Variants in ARMC5 observed in about 807,000 individuals in gnomAD.
ARMC5 encodes armadillo repeat-containing protein 5.
In ARMC5, 28 loss-of-function variants were observed where a neutral mutation model predicts 60.5. That is an observed-to-expected ratio of 0.46 (90% CI 0.34 to 0.63). The LOEUF is 0.63. Ranked by LOEUF, ARMC5 falls within the 30% of genes least tolerant of loss-of-function variation. The pLI is 0.01. For missense variants in ARMC5, 1,189 were observed against 1,304.9 expected (o/e 0.91, Z 1.37); for synonymous variants, 680 against 607.3 (o/e 1.12, Z -1.76).
At chr16:31,458,544 G>A (rs1384902147), upstream of ARMC5, 1 of 1,525,844 alleles carries the variant, frequency 6.6e-7, no homozygotes, top group African/African-American at 1.4e-5. Context: ...GGTGAATGAA[G>A]CCGGGGAGGC....
At chr16:31,459,413 G>A (rs1256586899), upstream of ARMC5, 8 of 1,538,472 alleles carry the variant, frequency 5.2e-6, no homozygotes, top group African/African-American at 1.1e-4. Flanking sequence ...GCATCACTGC[G>A]GTGGCGCTAA....
chr16:31,459,966 G>T lies in ARMC5; in HGVS notation c.442G>T (p.Glu148Ter). The T allele has an allele frequency of 3.1e-6, 5 of 1,601,028 alleles. No homozygotes were observed. Among genetic ancestry groups the T allele is most frequent in the Non-Finnish European group, 3.4e-6 (4 of 1,179,234 alleles). ...CTGTACGGAAGGGGCGTGCCGGACCGAAGTGCGCAGACTCGGAGGCATACT... is the reference window on the plus strand; with the variant it reads ...CTGTACGGAAGGGGCGTGCCGGACCTAAGTGCGCAGACTCGGAGGCATACT... ...DCCTEGACRT[E>*]VRRLGGILPL... The change falls in exon 1 of 6, where the codon GAA becomes TAA. Residue 148 changes from glutamate to a stop codon, truncating the protein, a stop_gained. Coordinates refer to ENST00000268314, the MANE Select transcript of ARMC5 (RefSeq NM_001105247.2). LOFTEE classifies it high-confidence loss of function.
In ARMC5 at chr16:31,459,758, T is replaced by A. The variant is rs1291894188; in HGVS notation, c.234T>A (p.Ala78=). ...RPLLALLRRA[A]AAGSAPSQAG... ...TACTCGCGCTGCTACGGCGAGCGGC[T>A]GCAGCGGGTTCCGCCCCGTCCCAGG... Residue 78 remains alanine (A), a synonymous_variant, in exon 1 of 6, where the codon GCT becomes GCA. Transcript: ENST00000268314. 8 of 1,537,002 alleles carry A rather than the reference T, an allele frequency of 5.2e-6. No individual in the cohort carries two copies. The African/African-American group carries it at 5.6e-5, about 11-fold the overall frequency.
chr16:31,462,487 A>C lies in ARMC5; in HGVS notation c.940A>C (p.Ile314Leu). 6.2e-7 allele frequency: 1 copy of C among 1,612,192 alleles called. No homozygotes were observed. The change falls in exon 3 of 6, where the codon ATT becomes CTT. Residue 314 changes from isoleucine (I) to leucine (L), a missense_variant. Ile to Leu is a conservative substitution (Grantham distance 5, BLOSUM62 2). Transcript: ENST00000268314. The surrounding 1 kb of genome is among the most constrained non-coding windows in gnomAD (Gnocchi z 7.2). ...ILANLCAQGL[I>L]RPALGNAGGV... Reference sequence around the variant, plus strand: ...CGCCAACCTGTGTGCCCAGGGCCTGATTCGGCCTGCACTGGGCAATGCTGG... The same window carrying C: ...CGCCAACCTGTGTGCCCAGGGCCTGCTTCGGCCTGCACTGGGCAATGCTGG...
In ARMC5 at chr16:31,459,959, C is replaced by T. The variant is rs1294790612; in HGVS notation, c.435C>T (p.Cys145=). ...ILADCCTEGA[C]RTEVRRLGGI... is the part of the protein sequence containing the mutation. ...CCGATTGCTGTACGGAAGGGGCGTGCCGGACCGAAGTGCGCAGACTCGGAG... is the reference window on the plus strand; with the variant it reads ...CCGATTGCTGTACGGAAGGGGCGTGTCGGACCGAAGTGCGCAGACTCGGAG... Residue 145 remains cysteine, a synonymous_variant, in exon 1 of 6, where the codon TGC becomes TGT. Transcript: ENST00000268314. 3 of 1,602,324 alleles carry T rather than the reference C, an allele frequency of 1.9e-6. No homozygotes were observed. Among genetic ancestry groups the T allele is most frequent in the East Asian group, 4.5e-5 (2 of 44,754 alleles).
At chr16:31,458,750 A>G, upstream of ARMC5, 1 of 1,477,594 alleles carries the variant, frequency 6.8e-7, no homozygotes, top group Non-Finnish European at 8.9e-7. Flanking sequence ...GCTCCCCGGG[A>G]CGCGAATGTC....
At chr16:31,458,646 G>C (rs117947985), upstream of ARMC5, 15,476 of 1,434,468 alleles carry the variant, frequency 0.011, 100 homozygotes, top group Middle Eastern at 0.014. Flanking sequence ...CCCAGGGCTA[G>C]AGCCTGACCA....
intron 1 of ARMC5, among the ~76,000 whole-genome samples, chr16:31,460,902 G>A (rs1006748348): frequency 1.3e-5 from 2 of 152,196 alleles, no homozygotes; most frequent in East Asian, 3.8e-4. Flanking sequence ...CAGTTTACAT[G>A]TCACTACCTG....
At chr16:31,465,734 C>G in intron 4 of ARMC5, 116 bp from the exon 5 acceptor site, 5 of 1,541,496 alleles carry the variant, frequency 3.2e-6, no homozygotes, top group Non-Finnish European at 4.3e-6. Flanking sequence ...CTTCAGTGCC[C>G]TGATTTCTCA....
chr16:31,462,113 C>T lies in ARMC5; in HGVS notation c.584-18C>T, dbSNP rs2082308618. The T allele has an allele frequency of 1.9e-6, 3 of 1,612,114 alleles. No homozygotes were observed. Among genetic ancestry groups the T allele is most frequent in the Admixed American group, 1.7e-5 (1 of 59,956 alleles). On this transcript the variant is annotated intron_variant, in intron 2 of 5. Transcript: ENST00000268314. This position sits in a 1 kb window ranked among gnomAD's most constrained non-coding sequence, Gnocchi z 7.2. ...TCTGTCCTTGTTCACCCTCTGTGCT[C>T]CCCTTTCCTGCCCTCAGGTGCTGTT... is the stretch of plus-strand genomic sequence containing the variant.
rs2082312793 is a variant in ARMC5, at chr16:31,462,490, C to T, written c.943C>T (p.Arg315Trp). 3.1e-6 allele frequency: 5 copies of T among 1,612,006 alleles called. No homozygotes were observed. Among genetic ancestry groups the T allele is most frequent in the Non-Finnish European group, 1.7e-6 (2 of 1,179,818 alleles). The change falls in exon 3 of 6, where the codon CGG (arginine) becomes TGG (tryptophan). Residue 315 changes from arginine (R) to tryptophan (W), a missense_variant. Around this residue, in one of 2 missense-constraint regions of ARMC5, gnomAD observed 862 missense variants for 1,071.2 expected, o/e 0.80. Transcript: ENST00000268314. The surrounding 1 kb of genome is among the most constrained non-coding windows in gnomAD (Gnocchi z 7.2). ...CAACCTGTGTGCCCAGGGCCTGATTCGGCCTGCACTGGGCAATGCTGGTGG... is the reference window on the plus strand; with the variant it reads ...CAACCTGTGTGCCCAGGGCCTGATTTGGCCTGCACTGGGCAATGCTGGTGG... ...LANLCAQGLI[R>W]PALGNAGGVE... is the part of the protein sequence containing the mutation.
intron 1 of ARMC5, among the ~76,000 whole-genome samples, chr16:31,460,938 G>A (rs999895118): frequency 1.3e-5 from 2 of 152,138 alleles, no homozygotes; most frequent in Non-Finnish European, 2.9e-5. Context: ...TGCTAGTTTT[G>A]ATGACATCTT....
chr16:31,460,011 G>A lies in ARMC5; in HGVS notation c.475+12G>A. 6.3e-7 allele frequency: 1 copy of A among 1,593,062 alleles called. No homozygotes were observed. The highest frequency in any genetic ancestry group is 8.5e-7 in the Non-Finnish European group (1 of 1,177,060). On this transcript the variant is annotated intron_variant, in intron 1 of 5. Transcript: ENST00000268314. Reference sequence around the variant, plus strand: ...CATACTCCCTTTGGGTAAGTGCTCCGCCCCCGTTTCCTAGAAAGATTAGGT... The same window carrying A: ...CATACTCCCTTTGGGTAAGTGCTCCACCCCCGTTTCCTAGAAAGATTAGGT...
At position 31,466,899 on chromosome 16, in the gene ARMC5, G is replaced by T; in HGVS notation, c.*10G>T. 6.6e-7 allele frequency: 1 copy of T among 1,517,582 alleles called. No individual in the cohort carries two copies. Among genetic ancestry groups the T allele is most frequent in the Non-Finnish European group, 8.8e-7 (1 of 1,135,350 alleles). 94.0% of individuals were successfully genotyped at this position (1,517,582 alleles called of 1,614,324 possible). A position where few individuals can be genotyped will look rare whatever the true frequency, so the allele number is the denominator to read the frequency against. ...AAGGGTCCCTGCCTAGACTGTTGAC[G>T]TCCCCTGGGAAGGGGACCCAAGGAT... is the stretch of plus-strand genomic sequence containing the variant. On this transcript the variant is annotated 3_prime_UTR_variant, in exon 6 of 6. Coordinates refer to ENST00000268314, the MANE Select transcript of ARMC5 (RefSeq NM_001105247.2). The surrounding 1 kb of genome is among the most constrained non-coding windows in gnomAD (Gnocchi z 8.0).
In ARMC5 at chr16:31,466,305, C is replaced by A. The variant is rs770232495; in HGVS notation, c.2224C>A (p.Pro742Thr). 2 of 1,613,732 alleles carry A rather than the reference C, an allele frequency of 1.2e-6. No homozygotes were observed. The highest frequency in any genetic ancestry group is 2.7e-5 in the African/African-American group (2 of 74,926). The change falls in exon 6 of 6, where the codon CCA (proline) becomes ACA (threonine). Residue 742 changes from proline to threonine, a missense_variant. By Grantham distance (38) the Pro-to-Thr change is conservative (BLOSUM62 -1). This residue lies in a region of ARMC5 where 862 missense variants were observed against 1,071.2 expected (regional missense o/e 0.80). Coordinates refer to ENST00000268314, the MANE Select transcript of ARMC5 (RefSeq NM_001105247.2). The surrounding 1 kb of genome is among the most constrained non-coding windows in gnomAD (Gnocchi z 8.0). ...SPCLYEPLLGPAPVPAPDLHF... is the reference protein window; with the variant it reads ...SPCLYEPLLGTAPVPAPDLHF... ...TTGCCTCTATGAACCTCTGCTGGGC[C>A]CAGCCCCTGTCCCAGCTCCCGACCT...
chr16:31,464,338 T>C lies in ARMC5; in HGVS notation c.1371-56T>C. On this transcript the variant is annotated intron_variant, in intron 3 of 5. Coordinates refer to ENST00000268314, the MANE Select transcript of ARMC5 (RefSeq NM_001105247.2). This position sits in a 1 kb window ranked among gnomAD's most constrained non-coding sequence, Gnocchi z 7.6. ...AAAAGACGCCTCACGCCTCTTGGAC[T>C]CTGCCCCTTAACCTTGGCTCTGGGT... The C allele has an allele frequency of 2.0e-6, 2 of 981,264 alleles. No individual in the cohort carries two copies. The highest frequency in any genetic ancestry group is 2.9e-6 in the Non-Finnish European group (2 of 684,524). The allele number at this position is 981,264 out of a possible 1,614,324, so 60.8% of individuals were successfully genotyped here.
At position 31,459,723 on chromosome 16, in the gene ARMC5, C is replaced by T; in HGVS notation, c.199C>T (p.Leu67Phe). The T allele has an allele frequency of 6.4e-7, 1 of 1,557,770 alleles. No individual in the cohort carries two copies. Among genetic ancestry groups the T allele is most frequent in the Non-Finnish European group, 8.6e-7 (1 of 1,162,984 alleles). The change falls in exon 1 of 6, where the codon CTC becomes TTC. Residue 67 changes from leucine to phenylalanine, a missense_variant. This residue lies in a region of ARMC5 where 327 missense variants were observed against 233.7 expected (regional missense o/e 1.40). Coordinates refer to ENST00000268314, the MANE Select transcript of ARMC5 (RefSeq NM_001105247.2). ...CGAGCGCTTCCGGGCACGCGGCGGG[C>T]TCCGCCCCCTACTCGCGCTGCTACG... ...GIERFRARGG[L>F]RPLLALLRRA...
Position 31,462,576 on chromosome 16 carries a change from C to G in ARMC5, c.1029C>G (p.Thr343=), listed in dbSNP as rs1222310487. ...GGGATCCTAATGGAGCTAGCCCAACCTCCCAGCAGCCCCTGGTGCGGGCTG... is the reference window on the plus strand; with the variant it reads ...GGGATCCTAATGGAGCTAGCCCAACGTCCCAGCAGCCCCTGGTGCGGGCTG... ...QRRDPNGASP[T]SQQPLVRAVC... is the part of the protein sequence containing the mutation. The change falls in exon 3 of 6, where the codon ACC becomes ACG. Residue 343 remains threonine, a synonymous_variant. Coordinates refer to ENST00000268314, the MANE Select transcript of ARMC5 (RefSeq NM_001105247.2). This position sits in a 1 kb window ranked among gnomAD's most constrained non-coding sequence, Gnocchi z 7.2. The G allele has an allele frequency of 6.2e-7, 1 of 1,612,372 alleles. No individual in the cohort carries two copies. Among genetic ancestry groups the G allele is most frequent in the Non-Finnish European group, 8.5e-7 (1 of 1,179,932 alleles).
chr16:31,464,131 C>G lies in ARMC5; in HGVS notation c.1371-263C>G, dbSNP rs2142572611. On this transcript the variant is annotated intron_variant, in intron 3 of 5. Coordinates refer to ENST00000268314, the MANE Select transcript of ARMC5 (RefSeq NM_001105247.2). The surrounding 1 kb of genome is among the most constrained non-coding windows in gnomAD (Gnocchi z 7.6). ...CATAGCGAGACCCATCTCTACAAAACATTTAAAAAATTAGCTGAGTGTGGT... is the reference window on the plus strand; with the variant it reads ...CATAGCGAGACCCATCTCTACAAAAGATTTAAAAAATTAGCTGAGTGTGGT... 6.9e-6 allele frequency among the ~76,000 whole-genome samples: 1 copy of G among 145,596 alleles called. No individual in the cohort carries two copies. The highest frequency in any genetic ancestry group is 2.1e-4 in the South Asian group (1 of 4,660).
Sources: gnomAD v4.1 joint callset for allele counts (sites outside exome capture counted in the v4.1 genomes callset) on GRCh38, gnomAD v4.1.1 for gene constraint, gnomAD v4.1.1 regional missense constraint, Gnocchi (gnomAD v3.1) non-coding constraint, MANE v1.5 for transcripts, NCBI Gene and HGNC (gene_info 2026-07-23, HGNC 2026-07-21) for gene names.